The following EEFSEC variants were observed in gnomAD, a reference collection of about 807,000 sequenced individuals.
The protein encoded by EEFSEC is eukaryotic elongation factor, selenocysteine-tRNA specific, also known as selenocysteine-specific elongation factor.
EEFSEC carries 43 observed loss-of-function variants against 42.1 expected under a neutral mutation model. The ratio of observed to expected loss-of-function variants is 1.02; its 90% confidence interval spans 0.80 to 1.32. The LOEUF (loss-of-function observed/expected upper bound fraction) is 1.32, where lower values mean the gene tolerates loss of function less well. EEFSEC is among the 40% of genes most tolerant of loss of function. EEFSEC has a pLI of 0.00. For missense variants in EEFSEC, 745 were observed against 803.6 expected, an observed-to-expected ratio of 0.93 and a Z score of 0.88; for synonymous variants, 354 against 339.1, an observed-to-expected ratio of 1.04 and a Z score of -0.48.
chr3:128,214,556 A>G (rs924249981), intron 1 of EEFSEC, among the ~76,000 whole-genome samples: 1 of 152,252 alleles, frequency 6.6e-6, no homozygotes, highest in Non-Finnish European at 1.5e-5. Context: ...TATGAGATCA[A>G]AAAATTCAGT....
chr3:128,202,604 T>G (rs1252994125), intron 1 of EEFSEC, among the ~76,000 whole-genome samples: 2 of 152,220 alleles, frequency 1.3e-5, no homozygotes, highest in Non-Finnish European at 2.9e-5. Context: ...ATAGTTTTAC[T>G]TCTTTGTTTC....
rs2067252557 is a variant in EEFSEC, at chr3:128,341,535, A to G, written c.1089A>G (p.Ile363Met). The G allele has an allele frequency of 3.1e-6, 5 of 1,614,072 alleles. No homozygotes were observed. Among genetic ancestry groups the G allele is most frequent in the South Asian group, 2.2e-5 (2 of 91,084 alleles). The change falls in exon 5 of 7, where the codon ATA becomes ATG. Residue 363 changes from isoleucine (I) to methionine (M), a missense_variant. Transcript: ENST00000254730. Reference protein sequence around the residue: ...PAPDNFDQEPILDSFNFSQEY... With the variant: ...PAPDNFDQEPMLDSFNFSQEY... ...CAGATAACTTTGACCAGGAGCCTAT[A>G]CTGGACTCTTTCAACTTCTCTCAAG... is the stretch of plus-strand genomic sequence containing the variant.
chr3:128,351,266 G>A (rs147429127), intron 5 of EEFSEC, among the ~76,000 whole-genome samples: 28 of 152,348 alleles, frequency 1.8e-4, no homozygotes, highest in African/African-American at 5.8e-4. Context: ...ACCAAATGCT[G>A]TCTTATTCTT....
chr3:128,262,360 T>A, intron 3 of EEFSEC, 136 bp downstream of exon 3: 1 of 702,528 alleles, frequency 1.4e-6, no homozygotes, highest in Non-Finnish European at 2.4e-6. Context: ...TTAACCTCCC[T>A]GTTAACACCT....
chr3:128,351,824 G>GC (rs1164065353), intron 5 of EEFSEC, among the ~76,000 whole-genome samples: 1 of 152,192 alleles, frequency 6.6e-6, no homozygotes, highest in Non-Finnish European at 1.5e-5. Flanking sequence ...GTGACTGAAG[G>GC]CTAATAAATA....
At chr3:128,249,875 A>C (rs1332407550) in intron 2 of EEFSEC, among the ~76,000 whole-genome samples, 1 of 152,160 alleles carries the variant, frequency 6.6e-6, no homozygotes, top group Non-Finnish European at 1.5e-5. Context: ...ACTGTGAATA[A>C]TGCTGCTATG....
chr3:128,246,559 T>C (rs1395185263), intron 1 of EEFSEC, among the ~76,000 whole-genome samples: 1 of 152,208 alleles, frequency 6.6e-6, no homozygotes, highest in Admixed American at 6.5e-5. Flanking sequence ...TGGAGTTAGA[T>C]GAGCCTATAC....
intron 1 of EEFSEC, among the ~76,000 whole-genome samples, chr3:128,222,710 G>A (rs769228932): frequency 1.6e-4 from 24 of 152,210 alleles, no homozygotes; most frequent in Non-Finnish European, 3.1e-4. Context: ...TTATTCTTTA[G>A]AGCAGATTAC....
At chr3:128,411,846 G>C (rs1428489440), downstream of EEFSEC, among the ~76,000 whole-genome samples, 2 of 152,264 alleles carry the variant, frequency 1.3e-5, no homozygotes, top group African/African-American at 4.8e-5. Flanking sequence ...CGTGCTCCCA[G>C]GCCTCCTGCC....
intron 5 of EEFSEC, among the ~76,000 whole-genome samples, chr3:128,345,246 A>G (rs1294015005): frequency 6.6e-6 from 1 of 152,220 alleles, no homozygotes; most frequent in Non-Finnish European, 1.5e-5. Context: ...TTTTATCATT[A>G]TTAATGTTTA....
At chr3:128,412,812 T>A (rs997741489), downstream of EEFSEC, among the ~76,000 whole-genome samples, 1 of 151,710 alleles carries the variant, frequency 6.6e-6, no homozygotes, top group Non-Finnish European at 1.5e-5. Flanking sequence ...GTGCTGGGAG[T>A]GGGGCTCGCA....
chr3:128,196,095 T>C (rs193144528), intron 1 of EEFSEC, among the ~76,000 whole-genome samples: 234 of 152,372 alleles, frequency 1.5e-3, no homozygotes, highest in African/African-American at 5.3e-3. Context: ...TCTGTGACTC[T>C]CTGCTGTTTG....
intron 1 of EEFSEC, among the ~76,000 whole-genome samples, chr3:128,157,617 C>T (rs1054630836): frequency 6.6e-6 from 1 of 152,184 alleles, no homozygotes; most frequent in Non-Finnish European, 1.5e-5. Context: ...CTTGAAATGG[C>T]ACAACGCAGC....
At chr3:128,189,033 T>TG (rs201796954) in intron 1 of EEFSEC, among the ~76,000 whole-genome samples, 1,558 of 151,878 alleles carry the variant, frequency 0.01, 18 homozygotes, top group Middle Eastern at 0.034. Context: ...TACCTTTACA[T>TG]GGGGGGGGCT....
rs78074961 is a variant in EEFSEC, at chr3:128,169,279, G to A, written c.316+15456G>A. Among the ~76,000 whole-genome samples, 530 of 152,300 alleles carry A rather than the reference G, an allele frequency of 3.5e-3. 1 individual carries two copies. Among genetic ancestry groups the A allele is most frequent in the Admixed American group, 6.0e-3 (92 of 15,300 alleles). On this transcript the variant is annotated intron_variant, in intron 1 of 6. Transcript: ENST00000254730. ...GGAGGTGTTCCAGACCAAAGGTGTA[G>A]CACACATGAGGGTCCTGAGGCTGGA... is the stretch of plus-strand genomic sequence containing the variant.
intron 2 of EEFSEC, among the ~76,000 whole-genome samples, chr3:128,258,986 C>T (rs1292537579): frequency 1.3e-5 from 2 of 152,190 alleles, no homozygotes; most frequent in Non-Finnish European, 2.9e-5. Flanking sequence ...AGCCCCACCA[C>T]TCATTAGCCT....
At chr3:128,381,880 A>T (rs987017764) in intron 6 of EEFSEC, among the ~76,000 whole-genome samples, 2 of 152,102 alleles carry the variant, frequency 1.3e-5, no homozygotes, top group African/African-American at 4.8e-5. Context: ...CCTTTCCCTG[A>T]GGTGGAAAAG....
At chr3:128,163,107 T>C (rs2065207647) in intron 1 of EEFSEC, among the ~76,000 whole-genome samples, 1 of 152,120 alleles carries the variant, frequency 6.6e-6, no homozygotes, top group Non-Finnish European at 1.5e-5. Context: ...TGAGATACTC[T>C]TACCTTAAGA....
At chr3:128,293,669 A>ACAAC (rs2066669810) in intron 4 of EEFSEC, among the ~76,000 whole-genome samples, 1 of 119,758 alleles carries the variant, frequency 8.4e-6, no homozygotes, top group African/African-American at 3.2e-5. Flanking sequence ...TCAAAAAAAA[A>ACAAC]AAAAAAAAAA....
Sources: gnomAD v4.1 joint callset for allele counts (sites outside exome capture counted in the v4.1 genomes callset) on GRCh38, gnomAD v4.1.1 for gene constraint, MANE v1.5 for transcripts, NCBI Gene and HGNC (gene_info 2026-07-23, HGNC 2026-07-21) for gene names.